Variants in SAMTOR observed in about 807,000 individuals in gnomAD.
The protein encoded by SAMTOR is S-adenosylmethionine sensor upstream of mTORC1.
the SAMTOR span, among the ~76,000 whole-genome samples, chr7:112,900,805 A>G: frequency 6.6e-6 from 1 of 152,232 alleles, no homozygotes; most frequent in Non-Finnish European, 1.5e-5. Context: ...AATTTTTTCA[A>G]CAAGTCATGC....
chr7:112,884,156 T>C, the SAMTOR span, among the ~76,000 whole-genome samples: 5 of 152,168 alleles, frequency 3.3e-5, no homozygotes, highest in African/African-American at 1.2e-4. Flanking sequence ...AATTGCCCCA[T>C]TATTCAATTA....
chr7:112,883,487 C>T, the SAMTOR span, among the ~76,000 whole-genome samples: 1 of 152,188 alleles, frequency 6.6e-6, no homozygotes, highest in Non-Finnish European at 1.5e-5. Context: ...AGAAATGATT[C>T]TATTCACAGC....
the SAMTOR span, among the ~76,000 whole-genome samples, chr7:112,834,839 G>A: frequency 6.6e-6 from 1 of 151,944 alleles, no homozygotes. Flanking sequence ...CCCATTGTAT[G>A]GGCATTTTAT....
At chr7:112,916,998 T>C in the SAMTOR span, among the ~76,000 whole-genome samples, 18 of 152,318 alleles carry the variant, frequency 1.2e-4, no homozygotes, top group South Asian at 1.2e-3. Flanking sequence ...CCTGCCTCTG[T>C]AGGCTCCACC....
At chr7:112,882,723 C>T in the SAMTOR span, among the ~76,000 whole-genome samples, 2 of 138,396 alleles carry the variant, frequency 1.4e-5, no homozygotes, top group African/African-American at 2.7e-5. Context: ...CCAACAACAA[C>T]AAAAAATTTA....
chr7:112,933,871 G>A, the SAMTOR span, among the ~76,000 whole-genome samples: 4 of 152,050 alleles, frequency 2.6e-5, no homozygotes, highest in East Asian at 5.8e-4. Flanking sequence ...AAGAACCATG[G>A]CCTTAGACGC....
the SAMTOR span, among the ~76,000 whole-genome samples, chr7:112,842,647 A>G: frequency 1.3e-5 from 2 of 152,042 alleles, no homozygotes; most frequent in Admixed American, 6.6e-5. Flanking sequence ...ACTAGTCAGC[A>G]TAAAATCAGT....
At chr7:112,860,258 C>T in the SAMTOR span, among the ~76,000 whole-genome samples, 2 of 152,210 alleles carry the variant, frequency 1.3e-5, no homozygotes, top group African/African-American at 2.4e-5. Context: ...GTTCACACAA[C>T]GATTGACTAA....
At chr7:112,925,742 T>C in the SAMTOR span, among the ~76,000 whole-genome samples, 1 of 148,914 alleles carries the variant, frequency 6.7e-6, no homozygotes, top group Admixed American at 6.8e-5. Flanking sequence ...TGCAGTGAGC[T>C]GAGATCATGC....
At chr7:112,836,855 C>T in the SAMTOR span, among the ~76,000 whole-genome samples, 77 of 151,998 alleles carry the variant, frequency 5.1e-4, no homozygotes, top group African/African-American at 1.7e-3. Context: ...CCTATAGTAT[C>T]GTTTGAAGTT....
the SAMTOR span, among the ~76,000 whole-genome samples, chr7:112,864,384 A>G: frequency 6.6e-6 from 1 of 152,182 alleles, no homozygotes; most frequent in African/African-American, 2.4e-5. Flanking sequence ...TGAATTTAAA[A>G]GTTAAAAAAA....
the SAMTOR span, among the ~76,000 whole-genome samples, chr7:112,912,495 A>G: frequency 6.6e-6 from 1 of 152,040 alleles, no homozygotes; most frequent in South Asian, 2.1e-4. Flanking sequence ...ACCCTTTTTA[A>G]AGCCCACTTT....
the SAMTOR span, among the ~76,000 whole-genome samples, chr7:112,838,645 C>T: frequency 6.6e-6 from 1 of 151,634 alleles, no homozygotes; most frequent in African/African-American, 2.4e-5. Context: ...ACTAATGAAT[C>T]TAGTTAAATG....
chr7:112,884,681 T>A, the SAMTOR span, among the ~76,000 whole-genome samples: 1 of 152,174 alleles, frequency 6.6e-6, no homozygotes. Flanking sequence ...CTTTGCAGGG[T>A]ACAGCCCCTC....
At chr7:112,914,752 CA>C in the SAMTOR span, among the ~76,000 whole-genome samples, 2 of 151,890 alleles carry the variant, frequency 1.3e-5, no homozygotes, top group East Asian at 3.9e-4. Flanking sequence ...GTATTAAATG[CA>C]TTTAAAGCCA....
At chr7:112,920,834 C>T in the SAMTOR span, among the ~76,000 whole-genome samples, 1 of 152,126 alleles carries the variant, frequency 6.6e-6, no homozygotes, top group African/African-American at 2.4e-5. Flanking sequence ...CATGAGTGAA[C>T]TCCCATTCAC....
At chr7:112,901,744 G>C in the SAMTOR span, among the ~76,000 whole-genome samples, 1 of 152,066 alleles carries the variant, frequency 6.6e-6, no homozygotes. Flanking sequence ...TTAAAAACCA[G>C]GTAAAAGACC....
At chr7:112,879,028 TAA>T in the SAMTOR span, among the ~76,000 whole-genome samples, 1 of 151,992 alleles carries the variant, frequency 6.6e-6, no homozygotes, top group South Asian at 2.1e-4. Flanking sequence ...AAATAAATCT[TAA>T]AAGTTTCTGG....
At chr7:112,825,853 GTTTT>G in the SAMTOR span, among the ~76,000 whole-genome samples, 1 of 139,544 alleles carries the variant, frequency 7.2e-6, no homozygotes, top group Non-Finnish European at 1.6e-5. Flanking sequence ...TAAATTCTGA[GTTTT>G]TTTTTTTTTT....
Sources: gnomAD v4.1 joint callset for allele counts (sites outside exome capture counted in the v4.1 genomes callset) on GRCh38, gnomAD v4.1.1 for gene constraint, MANE v1.5 for transcripts, NCBI Gene and HGNC (gene_info 2026-07-23, HGNC 2026-07-21) for gene names.